Variants in DCUN1D4 observed in about 807,000 individuals in gnomAD.
DCUN1D4 encodes defective in cullin neddylation 1 domain containing 4, also known as DCN1-like protein 4.
Under a neutral mutation model 47.9 loss-of-function variants are expected in DCUN1D4, and 22 were observed. That is an observed-to-expected ratio of 0.46 (90% CI 0.33 to 0.66). DCUN1D4 has a LOEUF of 0.66. Among genes scored for constraint, DCUN1D4 ranks in the 30% least tolerant of loss-of-function variants. DCUN1D4 has a pLI of 0.02. For missense variants in DCUN1D4, 301 were observed against 340.8 expected (o/e 0.88, Z 0.92); for synonymous variants, 121 against 112.2 (o/e 1.08, Z -0.50).
intron 7 of DCUN1D4, among the ~76,000 whole-genome samples, chr4:51,893,363 A>C (rs1009567334): frequency 6.6e-6 from 1 of 151,986 alleles, no homozygotes; most frequent in Non-Finnish European, 1.5e-5. Flanking sequence ...TTTTAATCCT[A>C]TTCACTCGTT....
chr4:51,841,462 G>A (rs999208307), upstream of DCUN1D4, among the ~76,000 whole-genome samples: 2 of 152,122 alleles, frequency 1.3e-5, no homozygotes. Context: ...ACCCATCACT[G>A]TGGGGCCCCG....
the DCUN1D4 span, among the ~76,000 whole-genome samples, chr4:51,835,776 G>A: frequency 1.3e-5 from 2 of 152,276 alleles, no homozygotes; most frequent in Middle Eastern, 3.4e-3. Flanking sequence ...GGGTACCTGT[G>A]TCTGGGTGTG....
At chr4:51,861,475 G>A (rs1022249598) in intron 1 of DCUN1D4, among the ~76,000 whole-genome samples, 1 of 152,100 alleles carries the variant, frequency 6.6e-6, no homozygotes, top group Non-Finnish European at 1.5e-5. Context: ...TATAAAGGAG[G>A]GAGAAAGATA....
At chr4:51,844,973 C>G (rs1722292253) in intron 1 of DCUN1D4, 3 of 985,306 alleles carry the variant, frequency 3.0e-6, no homozygotes, top group Non-Finnish European at 3.6e-6. Flanking sequence ...CCCAGCCCTT[C>G]TCCCTTGGGA....
intron 6 of DCUN1D4, among the ~76,000 whole-genome samples, chr4:51,889,039 G>A (rs981486651): frequency 6.6e-6 from 1 of 152,098 alleles, no homozygotes; most frequent in African/African-American, 2.4e-5. Context: ...AGCCCAGGAG[G>A]TGGAGGTTGC....
At position 51,916,022 on chromosome 4, in the gene DCUN1D4, A is replaced by G. The variant is rs1225756006; in HGVS notation, c.*2438A>G. ...AAGGGGTCAGACAGAGTAATATGAT[A>G]CATTTTCTTAAAAACTTCTCTAAGT... On this transcript the variant is annotated 3_prime_UTR_variant, in exon 11 of 11. Coordinates refer to ENST00000334635, the MANE Select transcript of DCUN1D4 (RefSeq NM_001040402.3). 3 of 152,118 alleles carry G rather than the reference A, an allele frequency of 2.0e-5. No individual in the cohort carries two copies. Among genetic ancestry groups the G allele is most frequent in the Non-Finnish European group, 4.4e-5 (3 of 67,988 alleles). The allele number at this position is 152,118 out of a possible 1,614,324, so 9.4% of individuals were successfully genotyped here. A position where few individuals can be genotyped will look rare whatever the true frequency, so the allele number is the denominator to read the frequency against.
Position 51,863,710 on chromosome 4 carries a change from G to T in DCUN1D4, c.136+1G>T, listed in dbSNP as rs771613997. 2.5e-6 allele frequency: 4 copies of T among 1,612,588 alleles called. No homozygotes were observed. In the Admixed American group the frequency reaches 6.7e-5, roughly 27 times the overall value. ...ATTGGCCAAGACGATCACCAAACAGGTATCTGTAAATGCTAACACTACTTA... is the reference window on the plus strand; with the variant it reads ...ATTGGCCAAGACGATCACCAAACAGTTATCTGTAAATGCTAACACTACTTA... On this transcript the variant is annotated splice_donor_variant, in intron 3 of 10. Transcript: ENST00000334635. LOFTEE classifies it high-confidence loss of function.
At chr4:51,881,286 A>G (rs1004285370) in intron 5 of DCUN1D4, among the ~76,000 whole-genome samples, 11 of 152,376 alleles carry the variant, frequency 7.2e-5, no homozygotes, top group Admixed American at 2.0e-4. Flanking sequence ...TAATAGTTCT[A>G]CAAGTCCTGA....
chr4:51,875,798 T>C (rs540995700), intron 4 of DCUN1D4, among the ~76,000 whole-genome samples: 29 of 152,372 alleles, frequency 1.9e-4, no homozygotes, highest in Middle Eastern at 3.4e-3. Context: ...CATATCATTC[T>C]TTTTATTTGC....
At chr4:51,903,994 T>C (rs1398835995) in intron 8 of DCUN1D4, among the ~76,000 whole-genome samples, 1 of 152,212 alleles carries the variant, frequency 6.6e-6, no homozygotes, top group East Asian at 1.9e-4. Context: ...ATTTTTCTCT[T>C]GGTAATGTGA....
chr4:51,844,655 C>A (rs978531048), intron 1 of DCUN1D4, among the ~76,000 whole-genome samples: 1 of 151,454 alleles, frequency 6.6e-6, no homozygotes, highest in African/African-American at 2.4e-5. Flanking sequence ...GGCCCTAGGC[C>A]GCGCCCCACG....
intron 3 of DCUN1D4, 57 bp from the exon 4 acceptor site, chr4:51,874,214 G>T: frequency 8.7e-7 from 1 of 1,152,338 alleles, no homozygotes; most frequent in East Asian, 2.4e-5. Context: ...TTCTTTGGAA[G>T]TACAGAGTTA....
intron 8 of DCUN1D4, among the ~76,000 whole-genome samples, chr4:51,904,181 G>T (rs1419983076): frequency 1.3e-5 from 2 of 151,992 alleles, no homozygotes; most frequent in African/African-American, 2.4e-5. Context: ...CTTTGGAAGG[G>T]CTGTCCAAAG....
intron 5 of DCUN1D4, among the ~76,000 whole-genome samples, chr4:51,884,074 AAG>A (rs1442725824): frequency 1.3e-5 from 2 of 151,652 alleles, no homozygotes; most frequent in Non-Finnish European, 1.5e-5. Flanking sequence ...CCCCAGAAAA[AAG>A]TAACAGATTT....
chr4:51,842,713 A>G (rs894341557), upstream of DCUN1D4, among the ~76,000 whole-genome samples: 1 of 152,068 alleles, frequency 6.6e-6, no homozygotes, highest in African/African-American at 2.4e-5. Context: ...AGCTGGTACG[A>G]GCCGCCCCCA....
chr4:51,873,823 A>C (rs545981442), intron 3 of DCUN1D4, among the ~76,000 whole-genome samples: 1 of 152,134 alleles, frequency 6.6e-6, no homozygotes, highest in African/African-American at 2.4e-5. Flanking sequence ...TTTAAATCAG[A>C]TATCTCTTGA....
intron 5 of DCUN1D4, chr4:51,884,608 A>C (rs1729183731): frequency 6.6e-6 from 1 of 152,250 alleles, no homozygotes; most frequent in Admixed American, 6.5e-5. Context: ...TGGACCAGCT[A>C]TTCTATGCCA....
intron 9 of DCUN1D4, among the ~76,000 whole-genome samples, chr4:51,912,652 G>A (rs1214080227): frequency 6.6e-6 from 1 of 152,152 alleles, no homozygotes; most frequent in Non-Finnish European, 1.5e-5. Context: ...TCGTCTAAGA[G>A]GAATAGAAAA....
intron 1 of DCUN1D4, among the ~76,000 whole-genome samples, chr4:51,852,819 A>G (rs1723565334): frequency 6.6e-6 from 1 of 152,184 alleles, no homozygotes; most frequent in African/African-American, 2.4e-5. Flanking sequence ...TGAAGTTTGG[A>G]AGCATGTACA....
Sources: allele counts gnomAD v4.1 joint callset (sites outside exome capture counted in the v4.1 genomes callset), GRCh38; gene constraint gnomAD v4.1.1; transcripts MANE v1.5; gene names NCBI Gene and HGNC (gene_info 2026-07-23, HGNC 2026-07-21).